RIMS2: variants seen among roughly 807,000 people sequenced by gnomAD.
RIMS2 encodes the protein regulating synaptic membrane exocytosis 2.
RIMS2 carries 59 observed loss-of-function variants against 174.4 expected under a neutral mutation model. The ratio of observed to expected loss-of-function variants is 0.34; its 90% CI spans 0.27 to 0.42. The LOEUF is 0.42. Among genes scored for constraint, RIMS2 ranks in the 10% least tolerant of loss-of-function variants. RIMS2 has a pLI of 1.00. For synonymous variants in RIMS2, 606 were observed against 572.5 expected, an observed-to-expected ratio of 1.06 and a Z score of -0.84; for missense variants, 1,620 against 1,666.3, an observed-to-expected ratio of 0.97 and a Z score of 0.48.
At chr8:103,628,354 GT>G (rs5893660) in intron 1 of RIMS2, among the ~76,000 whole-genome samples, 80,843 of 136,338 alleles carry the variant, frequency 0.59, 23,632 homozygotes, top group East Asian at 0.87. Flanking sequence ...TGAGATCCCT[GT>G]TTTTTTTTTT....
At chr8:104,020,925 C>T (rs968982585) in intron 19 of RIMS2, among the ~76,000 whole-genome samples, 1 of 151,888 alleles carries the variant, frequency 6.6e-6, no homozygotes, top group Non-Finnish European at 1.5e-5. Flanking sequence ...CTACCACAAC[C>T]AAATTCTATC....
exon 4 of RIMS2, chr8:103,886,155 T>G: frequency 6.2e-7 from 1 of 1,612,750 alleles, no homozygotes; most frequent in Non-Finnish European, 8.5e-7. Flanking sequence ...GAGGAGGAAT[T>G]GGCTTCCACG....
At chr8:103,652,772 ATG>A in intron 1 of RIMS2, 62 bp downstream of exon 3, 1 of 1,007,036 alleles carries the variant, frequency 9.9e-7, no homozygotes, top group Non-Finnish European at 1.4e-6. Flanking sequence ...ACTGAAAAGT[ATG>A]TGTTAAAATA....
chr8:103,754,376 G>A (rs141514729), intron 2 of RIMS2, among the ~76,000 whole-genome samples: 1,550 of 152,268 alleles, frequency 0.01, 29 homozygotes, highest in African/African-American at 0.035. Context: ...GAATAAGTGC[G>A]TTGTGGTGCT....
intron 19 of RIMS2, among the ~76,000 whole-genome samples, chr8:104,062,139 C>T (rs2097008966): frequency 6.6e-6 from 1 of 152,148 alleles, no homozygotes; most frequent in African/African-American, 2.4e-5. Flanking sequence ...GGCGCAGTGG[C>T]TCTCGCCTGT....
intron 3 of RIMS2, among the ~76,000 whole-genome samples, chr8:103,839,948 T>C (rs575094586): frequency 1.3e-5 from 2 of 152,372 alleles, no homozygotes; most frequent in South Asian, 4.1e-4. Context: ...GTGTTTCTTA[T>C]GCTCCATGAA....
At chr8:103,789,808 C>T (rs117957296) in intron 3 of RIMS2, among the ~76,000 whole-genome samples, 2,626 of 135,952 alleles carry the variant, frequency 0.019, 36 homozygotes, top group Non-Finnish European at 0.029. Context: ...GGCTGGAGGA[C>T]GGTAGCACAG....
At chr8:104,208,697 A>G (rs1336938767) in intron 19 of RIMS2, among the ~76,000 whole-genome samples, 5 of 152,220 alleles carry the variant, frequency 3.3e-5, no homozygotes, top group African/African-American at 1.2e-4. Flanking sequence ...CAAATACTAC[A>G]GGGAAGTCCT....
At chr8:104,130,656 G>T (rs2098467059) in intron 19 of RIMS2, among the ~76,000 whole-genome samples, 1 of 152,074 alleles carries the variant, frequency 6.6e-6, no homozygotes, top group South Asian at 2.1e-4. Flanking sequence ...TGGCAAAAGT[G>T]TTATCTAATT....
intron 13 of RIMS2, among the ~76,000 whole-genome samples, chr8:103,938,015 A>G (rs1338713780): frequency 6.6e-6 from 1 of 152,014 alleles, no homozygotes; most frequent in Non-Finnish European, 1.5e-5. Flanking sequence ...TGCCCAGCTA[A>G]TTTTGTTTTT....
intron 1 of RIMS2, among the ~76,000 whole-genome samples, chr8:103,578,769 A>T (rs1249103403): frequency 6.6e-6 from 1 of 152,128 alleles, no homozygotes; most frequent in Non-Finnish European, 1.5e-5. Flanking sequence ...TGGGAGGCCA[A>T]GGCAGGCTTA....
At chr8:103,517,144 T>A (rs1055727733) in intron 1 of RIMS2, among the ~76,000 whole-genome samples, 2 of 152,168 alleles carry the variant, frequency 1.3e-5, no homozygotes, top group African/African-American at 4.8e-5. Flanking sequence ...TCCAAATGCA[T>A]GATAAGTGCC....
chr8:104,057,584 A>G (rs948715073), intron 19 of RIMS2, among the ~76,000 whole-genome samples: 5 of 151,770 alleles, frequency 3.3e-5, no homozygotes, highest in Non-Finnish European at 7.4e-5. Context: ...TATTATTATT[A>G]TACTTTAAGT....
chr8:103,795,472 T>C (rs1423261326), intron 3 of RIMS2, among the ~76,000 whole-genome samples: 10 of 151,984 alleles, frequency 6.6e-5, no homozygotes, highest in Admixed American at 6.6e-4. Context: ...TTAGGACATA[T>C]ACCTAATGAA....
chr8:103,807,867 A>G (rs553464877), intron 3 of RIMS2, among the ~76,000 whole-genome samples: 1 of 152,284 alleles, frequency 6.6e-6, no homozygotes, highest in East Asian at 1.9e-4. Context: ...ATCTCTGTCC[A>G]TATTTACAGG....
intron 19 of RIMS2, among the ~76,000 whole-genome samples, chr8:104,104,527 A>G (rs1446941292): frequency 1.3e-5 from 2 of 152,214 alleles, no homozygotes; most frequent in African/African-American, 4.8e-5. Context: ...CTGATGAAGT[A>G]GGATAAAACA....
chr8:103,534,342 A>C (rs1463072332), intron 1 of RIMS2, among the ~76,000 whole-genome samples: 1 of 152,202 alleles, frequency 6.6e-6, no homozygotes, highest in Non-Finnish European at 1.5e-5. Flanking sequence ...GTATCAACCT[A>C]ATTTTTCAGA....
At chr8:103,587,458 AAGAAAGAAAG>A (rs1304575298) in intron 1 of RIMS2, among the ~76,000 whole-genome samples, 11 of 116,058 alleles carry the variant, frequency 9.5e-5, no homozygotes, top group Admixed American at 1.6e-4. Context: ...GAAAGAAAGA[AAGAAAGAAAG>A]AAACTATGCA....
chr8:103,655,278 C>T (rs1453866733), intron 1 of RIMS2, among the ~76,000 whole-genome samples: 1 of 151,590 alleles, frequency 6.6e-6, no homozygotes, highest in Non-Finnish European at 1.5e-5. Flanking sequence ...CTATTTTTTG[C>T]ATCAGCATTA....
Sources: gnomAD v4.1 joint callset for allele counts (sites outside exome capture counted in the v4.1 genomes callset) on GRCh38, gnomAD v4.1.1 for gene constraint, MANE v1.5 for transcripts, NCBI Gene and HGNC (gene_info 2026-07-23, HGNC 2026-07-21) for gene names.